The following C1orf167 variants were observed in gnomAD, a reference collection of about 807,000 sequenced individuals.
C1orf167 encodes the protein chromosome 1 open reading frame 167.
A neutral mutation model predicts 176.5 loss-of-function variants in C1orf167; 153 were observed. The observed-to-expected ratio is 0.87, with a 90% CI of 0.76 to 0.99. The LOEUF is 0.99. Ranked by LOEUF, C1orf167 falls within the 50% of genes least tolerant of loss-of-function variation. The probability of loss-of-function intolerance (pLI) is 0.00; values close to 1 mark genes in which losing one functional copy is unlikely to be tolerated. For synonymous variants in C1orf167, 594 were observed against 752.7 expected (o/e 0.79, Z 3.45); for missense variants, 1,490 against 1,817.7 (o/e 0.82, Z 3.28).
chr1:11,772,138 C>T lies in C1orf167; in HGVS notation c.1867C>T (p.Arg623Trp), dbSNP rs577901515. ...GGCCAGACAGGAGAGGGAGACTCTG[C>T]GGAAGGCCACCAGGGCCACACAGAG... ...KRARQERETL[R>W]KATRATQRTG... Residue 623 changes from arginine (R) to tryptophan (W), a missense_variant, in exon 8 of 21, where the codon CGG (arginine) becomes TGG (tryptophan). Physicochemically the swap from Arg to Trp is moderately radical, Grantham distance 101 (BLOSUM62 -3). Coordinates refer to ENST00000688073, the MANE Select transcript of C1orf167 (RefSeq NM_001010881.2). The T allele has an allele frequency of 1.2e-5, 16 of 1,304,268 alleles. No individual in the cohort carries two copies. The highest frequency in any genetic ancestry group is 2.1e-4 in the Middle Eastern group (1 of 4,696). 80.8% of individuals were successfully genotyped at this position (1,304,268 alleles called of 1,614,324 possible).
At chr1:11,773,164 A>T (rs972058235) in intron 8 of C1orf167, among the ~76,000 whole-genome samples, 3 of 151,064 alleles carry the variant, frequency 2.0e-5, no homozygotes, top group African/African-American at 7.3e-5. Context: ...AAGTGCTGGG[A>T]TTACAGGCAT....
At chr1:11,785,099 G>A (rs1382193358) in intron 15 of C1orf167, 49 bp from the exon 16 acceptor site, 1 of 1,231,788 alleles carries the variant, frequency 8.1e-7, no homozygotes, top group East Asian at 6.0e-5. Flanking sequence ...TCCCTGCAGA[G>A]AGTCCTGGCC....
At chr1:11,771,948 T>C (rs1643100012) in intron 7 of C1orf167, 134 bp from the exon 8 acceptor site, 1 of 616,140 alleles carries the variant, frequency 1.6e-6, no homozygotes, top group Non-Finnish European at 2.5e-6. Flanking sequence ...GCTGGAGTAT[T>C]GGAGCTAGAC....
chr1:11,781,520 T>C (rs1283119605), intron 13 of C1orf167, among the ~76,000 whole-genome samples: 1 of 152,194 alleles, frequency 6.6e-6, no homozygotes, highest in Non-Finnish European at 1.5e-5. Context: ...TCATGTCCTG[T>C]CCGCTGGAGA....
Position 11,772,221 on chromosome 1 carries a change from C to T in C1orf167, c.1950C>T (p.Ala650=). Residue 650 remains alanine (A), a synonymous_variant, in exon 8 of 21, where the codon GCC becomes GCT. Coordinates refer to ENST00000688073, the MANE Select transcript of C1orf167 (RefSeq NM_001010881.2). ...CTGCTGCAGGTGTAGCCTGGGTGGC[C>T]CCACTGAGCCCCCAGCACCAGAGAG... ...HSTAAGVAWV[A]PLSPQHQRAW... 7.7e-7 allele frequency: 1 copy of T among 1,304,126 alleles called. No individual in the cohort carries two copies. Among genetic ancestry groups the T allele is most frequent in the African/African-American group, 1.5e-5 (1 of 65,968 alleles). 80.8% of individuals were successfully genotyped at this position (1,304,126 alleles called of 1,614,324 possible).
Position 11,768,040 on chromosome 1 carries a change from G to A in C1orf167, c.1344-37G>A. On this transcript the variant is annotated intron_variant, in intron 4 of 20. Coordinates refer to ENST00000688073, the MANE Select transcript of C1orf167 (RefSeq NM_001010881.2). This position sits in a 1 kb window ranked among gnomAD's most constrained non-coding sequence, Gnocchi z 4.5. Reference sequence around the variant, plus strand: ...CTGGGCTGTCCCTGGGGATAGGAGGGCAGTCCACACCCTGATCAGCCCTGG... The same window carrying A: ...CTGGGCTGTCCCTGGGGATAGGAGGACAGTCCACACCCTGATCAGCCCTGG... The A allele has an allele frequency of 8.1e-7, 1 of 1,237,712 alleles. No individual in the cohort carries two copies. Among genetic ancestry groups the A allele is most frequent in the Non-Finnish European group, 1.0e-6 (1 of 959,198 alleles). 76.7% of individuals were successfully genotyped at this position (1,237,712 alleles called of 1,614,324 possible).
At chr1:11,779,715 G>A (rs1643501138) in intron 12 of C1orf167, 87 bp from the exon 13 acceptor site, 4 of 1,027,894 alleles carry the variant, frequency 3.9e-6, no homozygotes. Flanking sequence ...TGCTGCTGGG[G>A]AGAGGAAGAG....
At chr1:11,771,069 A>ATTTTTTTT (rs147195468) in intron 6 of C1orf167, among the ~76,000 whole-genome samples, 1 of 47,224 alleles carries the variant, frequency 2.1e-5, no homozygotes, top group African/African-American at 9.8e-5. Context: ...ATATATATAT[A>ATTTTTTTT]TTTTTTTTTT....
chr1:11,762,248 C>A lies in C1orf167; in HGVS notation c.-128C>A, dbSNP rs72856862. ...CTGCGGGGATCGTTAGCGGTCCCAG[C>A]CCCCGTCTAGATTCAAATCCGACTG... On this transcript the variant is annotated 5_prime_UTR_variant, in exon 1 of 21. Transcript: ENST00000688073. 2 of 435,940 alleles carry A rather than the reference C, an allele frequency of 4.6e-6. No individual in the cohort carries two copies. Among genetic ancestry groups the A allele is most frequent in the Non-Finnish European group, 4.7e-6 (1 of 214,544 alleles). 27.0% of individuals were successfully genotyped at this position (435,940 alleles called of 1,614,324 possible). A position where few individuals can be genotyped will look rare whatever the true frequency, so the allele number is the denominator to read the frequency against.
intron 9 of C1orf167, among the ~76,000 whole-genome samples, chr1:11,775,993 C>T (rs763212628): frequency 2.0e-5 from 3 of 152,208 alleles, no homozygotes; most frequent in Non-Finnish European, 4.4e-5. Context: ...TGTAGTGGCT[C>T]ACGCCTGTAA....
At position 11,765,975 on chromosome 1, in the gene C1orf167, G is replaced by A. The variant is rs1642772908; in HGVS notation, c.189G>A (p.Val63=). ...GPAATPSPGA[V]LDQEPCRVQT... is the part of the protein sequence containing the mutation. ...CTGCCACACCCTCCCCAGGGGCAGT[G>A]CTAGACCAGGAGCCCTGCCGAGTCC... The change falls in exon 3 of 21, where the codon GTG becomes GTA. Residue 63 remains valine, a synonymous_variant. Transcript: ENST00000688073. 1.6e-6 allele frequency: 2 copies of A among 1,287,730 alleles called. No individual in the cohort carries two copies. The highest frequency in any genetic ancestry group is 2.3e-5 in the Admixed American group (1 of 43,416). 79.8% of individuals were successfully genotyped at this position (1,287,730 alleles called of 1,614,324 possible).
chr1:11,765,067 A>AAAG (rs1557718096), intron 2 of C1orf167, among the ~76,000 whole-genome samples: 1 of 151,078 alleles, frequency 6.6e-6, no homozygotes, highest in East Asian at 1.9e-4. Flanking sequence ...AAAAAAAAAA[A>AAAG]AAAAAAAAAA....
chr1:11,772,038 T>C (rs1249427207), intron 7 of C1orf167, 44 bp from the exon 8 acceptor site: 1 of 1,260,772 alleles, frequency 7.9e-7, no homozygotes, highest in South Asian at 1.3e-5. Flanking sequence ...GATCCTCCCA[T>C]CTGCTTACTC....
chr1:11,782,226 G>A lies in C1orf167; in HGVS notation c.2898G>A (p.Val966=), dbSNP rs1643633547. 4 of 1,299,466 alleles carry A rather than the reference G, an allele frequency of 3.1e-6. No individual in the cohort carries two copies. The highest frequency in any genetic ancestry group is 4.1e-6 in the Non-Finnish European group (4 of 987,128). The allele number at this position is 1,299,466 out of a possible 1,614,324, so 80.5% of individuals were successfully genotyped here. A position where few individuals can be genotyped will look rare whatever the true frequency, so the allele number is the denominator to read the frequency against. Residue 966 remains valine, a synonymous_variant, in exon 14 of 21, where the codon GTG becomes GTA. Transcript: ENST00000688073. ...QFLHEKCQTW[V]QVHLQGLQKV... ...TGCATGAAAAGTGCCAGACATGGGT[G>A]CAGGTCCACCTCCAGGGCCTGCAGA...
At chr1:11,783,627 G>A (rs1192362619) in intron 14 of C1orf167, among the ~76,000 whole-genome samples, 2 of 152,162 alleles carry the variant, frequency 1.3e-5, no homozygotes, top group Non-Finnish European at 2.9e-5. Context: ...GCATGTGATG[G>A]GAGGCAGGGC....
In C1orf167 at chr1:11,771,543, GA is replaced by G; in HGVS notation, c.1718del (p.Glu573GlyfsTer74). The G allele has an allele frequency of 1.6e-6, 2 of 1,289,708 alleles. No individual in the cohort carries two copies. Among genetic ancestry groups the G allele is most frequent in the Non-Finnish European group, 2.0e-6 (2 of 988,818 alleles). The allele number at this position is 1,289,708 out of a possible 1,614,324, so 79.9% of individuals were successfully genotyped here. On this transcript the variant is annotated frameshift_variant, in exon 7 of 21. Coordinates refer to ENST00000688073, the MANE Select transcript of C1orf167 (RefSeq NM_001010881.2). LOFTEE classifies it high-confidence loss of function. ...EHTSPGSLRE[E>X]EIAQRLLSHP... ...TTTTAGTCCAGGAAGTCTGAGGGAG[GA>G]GGAGATTGCTCAGCGGCTTCTGTCA...
At chr1:11,763,252 C>T (rs546764479) in intron 1 of C1orf167, among the ~76,000 whole-genome samples, 3 of 152,300 alleles carry the variant, frequency 2.0e-5, no homozygotes, top group African/African-American at 2.4e-5. Flanking sequence ...CCATCCTGGC[C>T]ATCATGGTGA....
rs867220514 is a variant in C1orf167 at position 11,765,922 on chromosome 1, G to A, written c.136G>A (p.Gly46Arg). The change falls in exon 3 of 21, where the codon GGG (glycine) becomes AGG (arginine). Residue 46 changes from glycine to arginine, a missense_variant. By Grantham distance (125) the Gly-to-Arg change is moderately radical (BLOSUM62 -2). Transcript: ENST00000688073. ...TGGTAGACATGACCAGTGGGTGCCC[G>A]GGTGCCAGGTGGAGAGGGGAGGGCC... ...LSGRHDQWVP[G>R]CQVERGGPAA... The A allele has an allele frequency of 6.8e-5, 84 of 1,236,562 alleles. No homozygotes were observed. In the African/African-American group the frequency reaches 1.1e-3, roughly 16 times the overall value. The allele number at this position is 1,236,562 out of a possible 1,614,324, so 76.6% of individuals were successfully genotyped here. A position where few individuals can be genotyped will look rare whatever the true frequency, so the allele number is the denominator to read the frequency against.
Position 11,768,397 on chromosome 1 carries a change from TA to T in C1orf167, c.1542+125del. ...GTGGCACCTCATGAATGATCAGCAG[TA>T]AAGGGTGTAGTTGTGAGTCCACACA... On this transcript the variant is annotated intron_variant, in intron 5 of 20. Transcript: ENST00000688073. The surrounding 1 kb of genome is among the most constrained non-coding windows in gnomAD (Gnocchi z 4.5). 1.1e-6 allele frequency: 1 copy of T among 871,344 alleles called. No individual in the cohort carries two copies. The highest frequency in any genetic ancestry group is 1.6e-6 in the Non-Finnish European group (1 of 639,212). The allele number at this position is 871,344 out of a possible 1,614,324, so 54.0% of individuals were successfully genotyped here.
Sources: gnomAD v4.1 joint callset for allele counts (sites outside exome capture counted in the v4.1 genomes callset) on GRCh38, gnomAD v4.1.1 for gene constraint, Gnocchi (gnomAD v3.1) non-coding constraint, MANE v1.5 for transcripts, NCBI Gene and HGNC (gene_info 2026-07-23, HGNC 2026-07-21) for gene names.